The following CCSER2 variants were observed in gnomAD, a reference collection of about 807,000 sequenced individuals.
CCSER2 encodes the protein coiled-coil serine rich protein 2.
Under a neutral mutation model 92.3 loss-of-function variants are expected in CCSER2, and 46 were observed. The ratio of observed to expected loss-of-function variants is 0.50; its 90% CI spans 0.39 to 0.64. The LOEUF (loss-of-function observed/expected upper bound fraction) is 0.64. Among genes scored for constraint, CCSER2 ranks in the 30% least tolerant of loss-of-function variants. The pLI is 0.00. For synonymous variants in CCSER2, 433 were observed against 431.4 expected, an observed-to-expected ratio of 1.00 and a Z score of -0.04; for missense variants, 1,244 against 1,238.9, an observed-to-expected ratio of 1.00 and a Z score of -0.06.
At chr10:84,339,596 C>T (rs555360508) in intron 1 of CCSER2, among the ~76,000 whole-genome samples, 36 of 151,808 alleles carry the variant, frequency 2.4e-4, no homozygotes. Flanking sequence ...CTGCCTCAGC[C>T]TCCCAAGTAG....
At chr10:84,333,528 C>T (rs1843685365) in intron 1 of CCSER2, among the ~76,000 whole-genome samples, 1 of 152,114 alleles carries the variant, frequency 6.6e-6, no homozygotes, top group African/African-American at 2.4e-5. Context: ...TTATCCATGC[C>T]AAGGATTTGG....
rs202036983 is a variant in CCSER2, at chr10:84,361,741, T to C, written c.-39-9273T>C. On this transcript the variant is annotated intron_variant, in intron 1 of 9. Transcript: ENST00000372088. ...ACTGCAACCTCTGCGTTTTGGATTT[T>C]TGGATTCTCCTGCCTCAGCCTCCCG... is the stretch of plus-strand genomic sequence containing the variant. Among the ~76,000 whole-genome samples, 19 of 152,180 alleles carry C rather than the reference T, an allele frequency of 1.2e-4. No homozygotes were observed. The East Asian group carries it at 3.5e-3, about 28-fold the overall frequency.
intron 3 of CCSER2, chr10:84,389,411 G>T: frequency 1.0e-5 from 5 of 495,550 alleles, no homozygotes; most frequent in Non-Finnish European, 2.0e-5. Context: ...TTCCTTGAGG[G>T]CTTTGATGAT....
chr10:84,411,445 G>T (rs181306922), intron 3 of CCSER2, among the ~76,000 whole-genome samples: 36 of 152,230 alleles, frequency 2.4e-4, no homozygotes, highest in African/African-American at 8.4e-4. Context: ...AGTGTGGAAT[G>T]GTTTTCCATT....
At chr10:84,337,341 T>C (rs1302041527) in intron 1 of CCSER2, among the ~76,000 whole-genome samples, 1 of 152,192 alleles carries the variant, frequency 6.6e-6, no homozygotes, top group East Asian at 1.9e-4. Flanking sequence ...GACTGAGTTG[T>C]ATCAGTGAAG....
At chr10:84,386,637 C>G (rs546171677) in intron 3 of CCSER2, among the ~76,000 whole-genome samples, 1 of 152,090 alleles carries the variant, frequency 6.6e-6, no homozygotes, top group African/African-American at 2.4e-5. Flanking sequence ...AAGAATCACT[C>G]GAACCCAGGC....
chr10:84,495,074 TTC>T (rs1466000015), intron 9 of CCSER2, among the ~76,000 whole-genome samples: 2 of 151,912 alleles, frequency 1.3e-5, no homozygotes, highest in East Asian at 3.9e-4. Flanking sequence ...TGGAATTTTT[TTC>T]TCTTTTCTGT....
intron 6 of CCSER2, among the ~76,000 whole-genome samples, chr10:84,452,548 T>C (rs1845355970): frequency 6.6e-6 from 1 of 152,226 alleles, no homozygotes; most frequent in South Asian, 2.1e-4. Context: ...CTGTAGAGAC[T>C]GCTAAAACAT....
intron 6 of CCSER2, among the ~76,000 whole-genome samples, chr10:84,450,466 C>T (rs1035749875): frequency 1.3e-5 from 2 of 152,074 alleles, no homozygotes; most frequent in African/African-American, 4.8e-5. Context: ...TATATATGTA[C>T]TTGGTTGTGT....
chr10:84,332,436 A>ATATATATATATATAT (rs1401635246), intron 1 of CCSER2, among the ~76,000 whole-genome samples: 1 of 55,208 alleles, frequency 1.8e-5, no homozygotes, highest in Non-Finnish European at 2.7e-5. Flanking sequence ...ATATATATAT[A>ATATATATATATATAT]TTTTTTTTTT....
Position 84,470,960 on chromosome 10 carries a change from T to A in CCSER2, c.2235+502T>A, listed in dbSNP as rs543934856. Reference sequence around the variant, plus strand: ...CTTCATAATCTAATAATTGTGCAATTTCACATATTAGTCTCATATGAAAAC... The same window carrying A: ...CTTCATAATCTAATAATTGTGCAATATCACATATTAGTCTCATATGAAAAC... On this transcript the variant is annotated intron_variant, in intron 8 of 9. Transcript: ENST00000372088. Among the ~76,000 whole-genome samples, 5 of 152,186 alleles carry A rather than the reference T, an allele frequency of 3.3e-5. No individual in the cohort carries two copies. In the East Asian group the frequency reaches 9.6e-4, roughly 29 times the overall value.
chr10:84,457,327 A>T (rs1395333592), intron 6 of CCSER2, among the ~76,000 whole-genome samples: 1 of 63,674 alleles, frequency 1.6e-5, no homozygotes, highest in Non-Finnish European at 3.0e-5. Flanking sequence ...TATATTATAT[A>T]TAATATATTA....
intron 7 of CCSER2, among the ~76,000 whole-genome samples, chr10:84,466,316 C>G (rs1226593101): frequency 2.0e-5 from 3 of 152,088 alleles, no homozygotes; most frequent in Non-Finnish European, 4.4e-5. Flanking sequence ...ACCTACCATG[C>G]CTCTAATCTA....
intron 1 of CCSER2, among the ~76,000 whole-genome samples, chr10:84,337,459 A>G (rs988350677): frequency 2.0e-5 from 3 of 152,182 alleles, no homozygotes; most frequent in African/African-American, 7.2e-5. Context: ...GACCTTAACA[A>G]GTTGTTTCTG....
intron 3 of CCSER2, among the ~76,000 whole-genome samples, chr10:84,414,736 A>G (rs1000418827): frequency 2.0e-5 from 3 of 152,226 alleles, no homozygotes; most frequent in Non-Finnish European, 4.4e-5. Context: ...ATCCTGAAGT[A>G]TGTTTCCCAA....
chr10:84,435,742 T>C (rs957049498), intron 5 of CCSER2, among the ~76,000 whole-genome samples: 1 of 149,900 alleles, frequency 6.7e-6, no homozygotes, highest in East Asian at 2.0e-4. Flanking sequence ...CTTCATAGAG[T>C]TTGTAATTTG....
Position 84,366,429 on chromosome 10 carries a change from A to G in CCSER2, c.-39-4585A>G, listed in dbSNP as rs906933514. ...TGTAGCTGGCCTCAAAGTACAGTAT[A>G]TAAGACTTAGTTTATGTTCTCAGCA... On this transcript the variant is annotated intron_variant, in intron 1 of 9. Transcript: ENST00000372088. Among the ~76,000 whole-genome samples, 5 of 152,206 alleles carry G rather than the reference A, an allele frequency of 3.3e-5. 1 individual carries two copies. The highest frequency in any genetic ancestry group is 4.8e-5 in the African/African-American group (2 of 41,448).
Position 84,516,266 on chromosome 10 carries a change from C to G in CCSER2, c.*1999C>G, listed in dbSNP as rs1849593709. ...ATTCTTGGATTTGGTAAGAGGTGAG[C>G]AAGACAAATCTTGTACCATACTCTT... On this transcript the variant is annotated 3_prime_UTR_variant, in exon 10 of 10. Coordinates refer to ENST00000372088, the MANE Select transcript of CCSER2 (RefSeq NM_001284240.2). 6.6e-6 allele frequency: 1 copy of G among 152,194 alleles called. No individual in the cohort carries two copies. The allele number at this position is 152,194 out of a possible 1,614,324, so 9.4% of individuals were successfully genotyped here. A position where few individuals can be genotyped will look rare whatever the true frequency, so the allele number is the denominator to read the frequency against.
intron 1 of CCSER2, among the ~76,000 whole-genome samples, chr10:84,330,865 A>G (rs1843527841): frequency 6.6e-6 from 1 of 152,164 alleles, no homozygotes. Context: ...ACCAATAAAG[A>G]TTGCTGCTTC....
Sources: allele counts gnomAD v4.1 joint callset (sites outside exome capture counted in the v4.1 genomes callset), GRCh38; gene constraint gnomAD v4.1.1; transcripts MANE v1.5; gene names NCBI Gene and HGNC (gene_info 2026-07-23, HGNC 2026-07-21).